SLC18A1: variants seen among roughly 807,000 people sequenced by gnomAD.
SLC18A1 encodes the protein solute carrier family 18 member A1.
A neutral mutation model predicts 53.7 loss-of-function variants in SLC18A1; 69 were observed. The observed-to-expected ratio is 1.28, with a 90% CI of 1.06 to 1.57. The LOEUF (loss-of-function observed/expected upper bound fraction) is 1.57, where lower values mean the gene tolerates loss of function less well. SLC18A1 is among the 40% of genes most tolerant of loss of function. The pLI is 0.00. For synonymous variants in SLC18A1, 320 were observed against 248.1 expected (o/e 1.29, Z -2.72); for missense variants, 932 against 668.1 (o/e 1.40, Z -4.35).
chr8:20,179,248 G>A lies in SLC18A1; in HGVS notation c.361C>T (p.His121Tyr). The change falls in exon 3 of 16, where the codon CAT (histidine) becomes TAT (tyrosine). Residue 121 changes from histidine (H) to tyrosine (Y), a missense_variant. Coordinates refer to ENST00000276373, the MANE Select transcript of SLC18A1 (RefSeq NM_003053.4). ...GTGCCTTGCAAGCAGTTGTTTTTATGAGCTGAGATGGCTTCAGTGGCTGGA... is the reference window on the plus strand; with the variant it reads ...GTGCCTTGCAAGCAGTTGTTTTTATAAGCTGAGATGGCTTCAGTGGCTGGA... Reference protein sequence around the residue: ...PPPATEAISAHKNNCLQGTGF... With the variant: ...PPPATEAISAYKNNCLQGTGF... The A allele has an allele frequency of 6.2e-7, 1 of 1,614,194 alleles. No homozygotes were observed. The highest frequency in any genetic ancestry group is 8.5e-7 in the Non-Finnish European group (1 of 1,180,048).
At chr8:20,166,390 G>A (rs1479963157) in intron 8 of SLC18A1, among the ~76,000 whole-genome samples, 1 of 141,946 alleles carries the variant, frequency 7.0e-6, no homozygotes, top group Non-Finnish European at 1.5e-5. Flanking sequence ...TAATTTTCAG[G>A]ACATATTATT....
intron 10 of SLC18A1, among the ~76,000 whole-genome samples, chr8:20,161,617 C>A (rs866286588): frequency 6.6e-6 from 1 of 152,052 alleles, no homozygotes; most frequent in Admixed American, 6.5e-5. Context: ...TACCTACTTT[C>A]AAAAATAATG....
At chr8:20,150,609 C>A in intron 11 of SLC18A1, 57 bp downstream of exon 11, 2 of 1,410,178 alleles carry the variant, frequency 1.4e-6, no homozygotes, top group Non-Finnish European at 2.0e-6. Flanking sequence ...AGATCAGGAA[C>A]GGGCGCTCTT....
intron 2 of SLC18A1, 45 bp downstream of exon 2, chr8:20,180,796 G>A (rs2072405376): frequency 6.2e-7 from 1 of 1,610,098 alleles, no homozygotes; most frequent in African/African-American, 1.3e-5. Context: ...TGCCTGCTGG[G>A]GCCCACAGCA....
In SLC18A1 at chr8:20,174,549, T is replaced by C. The variant is rs1376353891; in HGVS notation, c.548-105A>G. On this transcript the variant is annotated intron_variant, in intron 4 of 15. Coordinates refer to ENST00000276373, the MANE Select transcript of SLC18A1 (RefSeq NM_003053.4). Reference sequence around the variant, plus strand: ...TACTGCAGATATGAGTCTTGATGCATATGTTTTTAATAAAGCATGATGACT... The same window carrying C: ...TACTGCAGATATGAGTCTTGATGCACATGTTTTTAATAAAGCATGATGACT... The C allele has an allele frequency of 8.3e-6, 6 of 723,436 alleles. No homozygotes were observed. In the African/African-American group the frequency reaches 8.7e-5, roughly 11 times the overall value. 44.8% of individuals were successfully genotyped at this position (723,436 alleles called of 1,614,324 possible). A position where few individuals can be genotyped will look rare whatever the true frequency, so the allele number is the denominator to read the frequency against.
intron 6 of SLC18A1, 55 bp downstream of exon 6, chr8:20,172,981 C>G: frequency 1.5e-6 from 2 of 1,316,112 alleles, no homozygotes; most frequent in South Asian, 1.3e-5. Context: ...TCGGGAACAC[C>G]TGCTTCCTAG....
intron 11 of SLC18A1, 102 bp from the exon 12 acceptor site, chr8:20,149,829 G>T (rs554046233): frequency 1.2e-4 from 129 of 1,078,470 alleles, no homozygotes; most frequent in Non-Finnish European, 1.5e-4. Flanking sequence ...CCTAATCCCA[G>T]CAACCCCTTA....
chr8:20,146,777 T>A (rs1401941393), intron 15 of SLC18A1, among the ~76,000 whole-genome samples: 2 of 143,066 alleles, frequency 1.4e-5, no homozygotes, highest in African/African-American at 5.2e-5. Flanking sequence ...TGAGCCGAGA[T>A]CACACTATTA....
intron 2 of SLC18A1, 29 bp downstream of exon 2, chr8:20,180,812 A>G: frequency 6.2e-7 from 1 of 1,612,638 alleles, no homozygotes; most frequent in Non-Finnish European, 8.5e-7. Context: ...CAGCAAATTA[A>G]CCCTCAGCAC....
chr8:20,166,285 G>GTA (rs2071956345), intron 8 of SLC18A1, among the ~76,000 whole-genome samples: 1 of 89,836 alleles, frequency 1.1e-5, no homozygotes, highest in Admixed American at 1.1e-4. Flanking sequence ...GGGTGTGTGT[G>GTA]TGTCTATATA....
At chr8:20,166,489 G>A (rs1324168804) in intron 8 of SLC18A1, among the ~76,000 whole-genome samples, 5 of 150,982 alleles carry the variant, frequency 3.3e-5, no homozygotes, top group Admixed American at 6.6e-5. Context: ...ACACATAAGC[G>A]ATTTATTTTG....
intron 10 of SLC18A1, among the ~76,000 whole-genome samples, chr8:20,156,688 T>C (rs1263322617): frequency 2.0e-5 from 3 of 152,178 alleles, no homozygotes; most frequent in Non-Finnish European, 4.4e-5. Context: ...ATAAACAGGA[T>C]CCATCTCTCA....
chr8:20,171,399 A>T lies in SLC18A1; in HGVS notation c.814+6T>A, dbSNP rs558352765. 6.2e-7 allele frequency: 1 copy of T among 1,611,316 alleles called. No individual in the cohort carries two copies. Among genetic ancestry groups the T allele is most frequent in the African/African-American group, 1.3e-5 (1 of 74,976 alleles). On this transcript the variant is annotated splice_donor_region_variant and intron_variant, in intron 7 of 15. Coordinates refer to ENST00000276373, the MANE Select transcript of SLC18A1 (RefSeq NM_003053.4). ...TCACCTGCTGGAGGCTCTGATGGTGACTTACCTCCATCCAGTAGTGCCAGG... is the reference window on the plus strand; with the variant it reads ...TCACCTGCTGGAGGCTCTGATGGTGTCTTACCTCCATCCAGTAGTGCCAGG...
At position 20,145,812 on chromosome 8, in the gene SLC18A1, T is replaced by TCCTTCGTGG. The variant is rs1482701643; in HGVS notation, c.1520_1528dup (p.Lys509_Glu510insAlaThrLys). On this transcript the variant is annotated inframe_insertion, in exon 16 of 16. Transcript: ENST00000276373. ...ATCACTGTCCTCCCCCAGAGGAAAT[T>TCCTTCGTGG]CCTTCGTGGGCTTCTGGGTTGCATA... is the stretch of plus-strand genomic sequence containing the variant. The TCCTTCGTGG allele has an allele frequency of 4.3e-6, 7 of 1,612,272 alleles. No individual in the cohort carries two copies. The Admixed American group carries it at 6.7e-5, about 15-fold the overall frequency.
At chr8:20,159,057 T>C (rs1205935245) in intron 10 of SLC18A1, among the ~76,000 whole-genome samples, 1 of 152,166 alleles carries the variant, frequency 6.6e-6, no homozygotes, top group Non-Finnish European at 1.5e-5. Flanking sequence ...CTTCCAGAAT[T>C]GAAGCTGTAA....
chr8:20,156,094 C>T (rs192087464), intron 10 of SLC18A1, among the ~76,000 whole-genome samples: 3 of 152,328 alleles, frequency 2.0e-5, no homozygotes, highest in Admixed American at 2.0e-4. Context: ...CCTGCGACAA[C>T]ATAATAGATC....
In SLC18A1 at chr8:20,179,153, C is replaced by T. The variant is rs758149295; in HGVS notation, c.456G>A (p.Leu152=). 6.2e-7 allele frequency: 1 copy of T among 1,613,594 alleles called. No homozygotes were observed. Residue 152 remains leucine (L), a synonymous_variant, in exon 3 of 16, where the codon CTG becomes CTA. Transcript: ENST00000276373. ...TGAGAGGGCCCACGAATGGGTTGACCAGAAGTTGCATCACAGCCTTTGAAG... is the reference window on the plus strand; with the variant it reads ...TGAGAGGGCCCACGAATGGGTTGACTAGAAGTTGCATCACAGCCTTTGAAG... ...LFASKAVMQL[L]VNPFVGPLTN... is the part of the protein sequence containing the mutation.
At chr8:20,149,487 C>T (rs2071489631) in intron 12 of SLC18A1, among the ~76,000 whole-genome samples, 189 bp downstream of exon 12, 1 of 152,060 alleles carries the variant, frequency 6.6e-6, no homozygotes. Flanking sequence ...AAATTCCTGC[C>T]TATTCAGAAA....
chr8:20,167,324 TTATA>T (rs2071993684), intron 8 of SLC18A1, among the ~76,000 whole-genome samples: 1 of 152,178 alleles, frequency 6.6e-6, no homozygotes, highest in Non-Finnish European at 1.5e-5. Context: ...GCTTTGTTTT[TTATA>T]ATGGCATGGG....
Sources: allele counts gnomAD v4.1 joint callset (sites outside exome capture counted in the v4.1 genomes callset), GRCh38; gene constraint gnomAD v4.1.1; transcripts MANE v1.5; gene names NCBI Gene and HGNC (gene_info 2026-07-23, HGNC 2026-07-21).